The following PGA5 variants were observed in gnomAD, a reference collection of about 807,000 sequenced individuals.
PGA5 encodes the protein pepsin A-5.
In PGA5, 19 loss-of-function variants were observed where a neutral mutation model predicts 15.9. The ratio of observed to expected loss-of-function variants is 1.19; its 90% confidence interval spans 0.83 to 1.75. The LOEUF (loss-of-function observed/expected upper bound fraction) is 1.75, where lower values mean the gene tolerates loss of function less well. Ranked by LOEUF, PGA5 falls within the 40% of genes most tolerant of loss-of-function variation. PGA5 has a pLI of 0.00. For synonymous variants in PGA5, 92 were observed against 95.8 expected, an observed-to-expected ratio of 0.96 and a Z score of 0.23; for missense variants, 224 against 246.4, an observed-to-expected ratio of 0.91 and a Z score of 0.61.
intron 8 of PGA5, 80 bp downstream of exon 8, chr11:61,250,094 C>T (rs1459548066): frequency 1.9e-6 from 3 of 1,544,136 alleles, no homozygotes; most frequent in African/African-American, 1.4e-5. Context: ...AGGGAAAGTA[C>T]ACTTCCACGA....
In PGA5 at chr11:61,249,832, G is replaced by A. The variant is rs1484268734; in HGVS notation, c.918+19G>A. The A allele has an allele frequency of 6.2e-7, 1 of 1,613,508 alleles. No individual in the cohort carries two copies. Among genetic ancestry groups the A allele is most frequent in the East Asian group, 2.2e-5 (1 of 44,888 alleles). On this transcript the variant is annotated intron_variant, in intron 7 of 8. Transcript: ENST00000312403. ...TGGCGACGTGAGTCCAGCCCCGACT[G>A]CCCTGTTCTACACTCAAGTAGTGGG...
Position 61,247,281 on chromosome 11 carries a change from CTT to C in PGA5, c.657-1124_657-1123del, listed in dbSNP as rs1173101519. 2.7e-3 allele frequency among the ~76,000 whole-genome samples: 382 copies of C among 139,088 alleles called. 1 individual carries two copies. Among genetic ancestry groups the C allele is most frequent in the Non-Finnish European group, 4.6e-3 (290 of 63,480 alleles). The allele number at this position is 139,088 out of a possible 152,430, so 91.2% of individuals were successfully genotyped here. Reference sequence around the variant, plus strand: ...TGGCCAGTTCTCGGATGATTAATTTCTTTTTTTTTTTTTTTGTGATGGGGTCT... The same window carrying C: ...TGGCCAGTTCTCGGATGATTAATTTCTTTTTTTTTTTTTGTGATGGGGTCT... On this transcript the variant is annotated intron_variant, in intron 5 of 8. Coordinates refer to ENST00000312403, the MANE Select transcript of PGA5 (RefSeq NM_014224.5).
intron 8 of PGA5, chr11:61,250,810 GAT>G: frequency 1.7e-6 from 1 of 585,362 alleles, no homozygotes; most frequent in South Asian, 1.5e-5. Context: ...ATGAGAAAAG[GAT>G]GTAGTGGCAG....
In PGA5 at chr11:61,251,372, A is replaced by G; in HGVS notation, c.*91A>G. 1.3e-6 allele frequency: 2 copies of G among 1,595,832 alleles called. No individual in the cohort carries two copies. Among genetic ancestry groups the G allele is most frequent in the Non-Finnish European group, 1.7e-6 (2 of 1,171,232 alleles). Reference sequence around the variant, plus strand: ...TCTAATTCTCCTGACTGTTCTTCCCAGGGGAGTGTGAAGGTCTTGGCCCTG... The same window carrying G: ...TCTAATTCTCCTGACTGTTCTTCCCGGGGGAGTGTGAAGGTCTTGGCCCTG... On this transcript the variant is annotated 3_prime_UTR_variant, in exon 9 of 9. Transcript: ENST00000312403.
chr11:61,248,658 C>T (rs1248597213), intron 6 of PGA5, 123 bp downstream of exon 6: 1 of 1,555,100 alleles, frequency 6.4e-7, no homozygotes, highest in African/African-American at 1.4e-5. Context: ...GAACACACTC[C>T]AGGGGGAAGG....
At position 61,248,159 on chromosome 11, in the gene PGA5, T is replaced by C. The variant is rs910477397; in HGVS notation, c.657-260T>C. On this transcript the variant is annotated intron_variant, in intron 5 of 8. Transcript: ENST00000312403. ...AAGGCCTGTGTTCTTCCAAACGTAG[T>C]TCCACCACTCCCCCGCTGTGTGACC... The C allele has an allele frequency of 1.0e-5, 8 of 798,098 alleles. 1 individual carries two copies. Among genetic ancestry groups the C allele is most frequent in the Non-Finnish European group, 1.7e-5 (8 of 460,418 alleles). 49.4% of individuals were successfully genotyped at this position (798,098 alleles called of 1,614,324 possible).
chr11:61,246,979 G>A (rs1368305723), intron 5 of PGA5, among the ~76,000 whole-genome samples: 2 of 151,920 alleles, frequency 1.3e-5, no homozygotes, highest in South Asian at 2.1e-4. Flanking sequence ...AAGAATAAAT[G>A]AACAAACAAA....
At chr11:61,247,811 C>G (rs901562521) in intron 5 of PGA5, among the ~76,000 whole-genome samples, 1 of 151,982 alleles carries the variant, frequency 6.6e-6, no homozygotes, top group Non-Finnish European at 1.5e-5. Flanking sequence ...CCAGCCAGAT[C>G]CGAGTTTCTC....
chr11:61,247,494 G>T (rs1030600516), intron 5 of PGA5, among the ~76,000 whole-genome samples: 1 of 151,868 alleles, frequency 6.6e-6, no homozygotes, highest in Non-Finnish European at 1.5e-5. Flanking sequence ...AGCCAGGATG[G>T]TCTCCATCTC....
At chr11:61,249,572 T>C (rs954947049) in intron 6 of PGA5, 97 bp from the exon 7 acceptor site, 2 of 1,602,744 alleles carry the variant, frequency 1.2e-6, no homozygotes, top group Non-Finnish European at 1.7e-6. Flanking sequence ...GGCCAATGGA[T>C]GGGTGGGGAA....
chr11:61,245,917 G>C (rs1368344185), intron 4 of PGA5, 29 bp from the exon 5 acceptor site: 1 of 200,446 alleles, frequency 5.0e-6, no homozygotes, highest in Non-Finnish European at 8.8e-6. Flanking sequence ...TGACCCGATG[G>C]TGAACATCAT....
intron 5 of PGA5, among the ~76,000 whole-genome samples, chr11:61,246,680 C>T (rs1854069016): frequency 6.6e-6 from 1 of 151,892 alleles, no homozygotes; most frequent in Non-Finnish European, 1.5e-5. Context: ...GGGAGAATCG[C>T]TTGAGCCTGG....
chr11:61,250,282 C>G (rs1332463894), intron 8 of PGA5, among the ~76,000 whole-genome samples: 2 of 151,218 alleles, frequency 1.3e-5, no homozygotes, highest in African/African-American at 2.5e-5. Flanking sequence ...CGTCCAAGTC[C>G]TGGGTCTGAA....
rs553251951 is a variant in PGA5 at position 61,249,451 on chromosome 11, C to T, written c.774-218C>T. ...GGAACTGTGAGGCTGTCTTGTTTCG[C>T]TTGGCGTTTCCCATGCCTGGCAGAG... On this transcript the variant is annotated intron_variant, in intron 6 of 8. Transcript: ENST00000312403. The T allele has an allele frequency of 9.9e-6, 9 of 906,992 alleles. No homozygotes were observed. The East Asian group carries it at 2.1e-4, about 21-fold the overall frequency. The allele number at this position is 906,992 out of a possible 1,614,324, so 56.2% of individuals were successfully genotyped here. A position where few individuals can be genotyped will look rare whatever the true frequency, so the allele number is the denominator to read the frequency against.
chr11:61,249,664 C>G lies in PGA5; in HGVS notation c.774-5C>G. ...CAGGGAGCTTAACTTGCTTCTTACC[C>G]TCAGCATCACCATGAACGGAGAGAC... On this transcript the variant is annotated splice_region_variant and splice_polypyrimidine_tract_variant and intron_variant, in intron 6 of 8. Transcript: ENST00000312403. The G allele has an allele frequency of 1.2e-6, 2 of 1,613,588 alleles. No individual in the cohort carries two copies. Among genetic ancestry groups the G allele is most frequent in the Non-Finnish European group, 1.7e-6 (2 of 1,179,838 alleles).
chr11:61,250,816 G>C (rs540053511), intron 8 of PGA5: 2 of 601,510 alleles, frequency 3.3e-6, no homozygotes, highest in South Asian at 1.5e-5. Context: ...AAAGGATGTA[G>C]TGGCAGGGTT....
rs754153615 is a variant in PGA5, at chr11:61,249,957, C to T, written c.960C>T (p.Ile320=). ...SCSAISSLPD[I]VFTINGVQYP... is the part of the protein sequence containing the mutation. ...CAGCCATCAGCAGCCTGCCCGACAT[C>T]GTCTTCACCATCAATGGAGTCCAGT... Residue 320 remains isoleucine, a synonymous_variant, in exon 8 of 9, where the codon ATC becomes ATT. Coordinates refer to ENST00000312403, the MANE Select transcript of PGA5 (RefSeq NM_014224.5). 9 of 1,612,902 alleles carry T rather than the reference C, an allele frequency of 5.6e-6. No homozygotes were observed. Among genetic ancestry groups the T allele is most frequent in the East Asian group, 4.5e-5 (2 of 44,864 alleles).
At chr11:61,245,879 G>A in intron 4 of PGA5, 67 bp from the exon 5 acceptor site, 1 of 152,072 alleles carries the variant, frequency 6.6e-6, no homozygotes, top group Non-Finnish European at 1.1e-5. Context: ...CTCTGGGCCT[G>A]AGGCTGGCAT....
intron 8 of PGA5, among the ~76,000 whole-genome samples, chr11:61,250,457 A>G (rs544148251): frequency 7.3e-5 from 11 of 151,546 alleles, no homozygotes; most frequent in African/African-American, 2.7e-4. Flanking sequence ...GGAAATCCTA[A>G]TTTCCATAGG....
Sources: allele counts gnomAD v4.1 joint callset (sites outside exome capture counted in the v4.1 genomes callset), GRCh38; gene constraint gnomAD v4.1.1; transcripts MANE v1.5; gene names NCBI Gene and HGNC (gene_info 2026-07-23, HGNC 2026-07-21).